The following ZMAT3 variants were observed in gnomAD, a reference collection of about 807,000 sequenced individuals.
ZMAT3 encodes zinc finger matrin-type protein 3.
In ZMAT3, 17 loss-of-function variants were observed where a neutral mutation model predicts 32.3. The ratio of observed to expected loss-of-function variants is 0.53; its 90% CI spans 0.36 to 0.79. ZMAT3 has a LOEUF of 0.79. Among genes scored for constraint, ZMAT3 ranks in the 30% least tolerant of loss-of-function variants. The pLI, the probability that ZMAT3 is intolerant of heterozygous loss-of-function variation, is 0.00. For synonymous variants in ZMAT3, 120 were observed against 133.1 expected (o/e 0.90, Z 0.68); for missense variants, 329 against 359.7 (o/e 0.91, Z 0.69).
chr3:179,060,839 A>C lies in ZMAT3; in HGVS notation c.270+6644T>G, dbSNP rs761874283. Among the ~76,000 whole-genome samples, 10 of 152,252 alleles carry C rather than the reference A, an allele frequency of 6.6e-5. 1 individual carries two copies. In the Middle Eastern group the frequency reaches 0.014, roughly 207 times the overall value. On this transcript the variant is annotated intron_variant, in intron 2 of 5. Transcript: ENST00000311417. ...CTTCCAGGGGAAAAAAAAGAAAGAC[A>C]CAAAATTAAAACAGGTCACCAAAAA...
chr3:179,069,020 T>C (rs1014119725), intron 1 of ZMAT3, among the ~76,000 whole-genome samples: 1 of 152,182 alleles, frequency 6.6e-6, no homozygotes, highest in Non-Finnish European at 1.5e-5. Flanking sequence ...TACTTGTTAC[T>C]TGCCTGTTCT....
At chr3:179,038,951 C>G (rs1007408196) in intron 2 of ZMAT3, among the ~76,000 whole-genome samples, 2 of 152,272 alleles carry the variant, frequency 1.3e-5, no homozygotes, top group African/African-American at 4.8e-5. Context: ...CAGAGCCTCA[C>G]TCACTGCTAG....
intron 2 of ZMAT3, among the ~76,000 whole-genome samples, chr3:179,057,566 C>T (rs971783282): frequency 5.3e-5 from 8 of 152,186 alleles, no homozygotes; most frequent in Non-Finnish European, 1.2e-4. Context: ...TTTTAGCTGC[C>T]CATTCAGAAA....
intron 2 of ZMAT3, among the ~76,000 whole-genome samples, chr3:179,056,199 T>C (rs1189330042): frequency 6.6e-6 from 1 of 152,066 alleles, no homozygotes; most frequent in Non-Finnish European, 1.5e-5. Flanking sequence ...CTGCAGACAT[T>C]AGAAAAAACT....
chr3:179,047,972 TCA>T lies in ZMAT3; in HGVS notation c.271-16975_271-16974del, dbSNP rs1266024844. Among the ~76,000 whole-genome samples the T allele has an allele frequency of 2.6e-5, 4 of 151,834 alleles. No individual in the cohort carries two copies. In the East Asian group the frequency reaches 7.8e-4, roughly 29 times the overall value. ...AATAGATAGCATAAATAAAAAACAA[TCA>T]CAACTTCTGGAAATGAAGGACACGC... is the stretch of plus-strand genomic sequence containing the variant. On this transcript the variant is annotated intron_variant, in intron 2 of 5. Coordinates refer to ENST00000311417, the MANE Select transcript of ZMAT3 (RefSeq NM_022470.4).
rs1191595028 is a variant in ZMAT3, at chr3:179,046,862, A to G, written c.271-15863T>C. ...CAGCTGCAGCAAGCCCCACCCAAGG[A>G]GAGACTGACCTCAGACATGCCTAAC... On this transcript the variant is annotated intron_variant, in intron 2 of 5. Transcript: ENST00000311417. This position sits in a 1 kb window ranked among gnomAD's most constrained non-coding sequence, Gnocchi z 4.3. 6.6e-6 allele frequency among the ~76,000 whole-genome samples: 1 copy of G among 152,116 alleles called. No homozygotes were observed. Among genetic ancestry groups the G allele is most frequent in the African/African-American group, 2.4e-5 (1 of 41,420 alleles).
At chr3:179,047,487 G>A (rs1164462826) in intron 2 of ZMAT3, among the ~76,000 whole-genome samples, 3 of 152,222 alleles carry the variant, frequency 2.0e-5, no homozygotes, top group African/African-American at 7.2e-5. Context: ...CTCACCAGCA[G>A]TGGATCCAAA....
intron 2 of ZMAT3, among the ~76,000 whole-genome samples, chr3:179,056,258 C>T (rs1720836641): frequency 6.6e-6 from 1 of 151,960 alleles, no homozygotes; most frequent in Non-Finnish European, 1.5e-5. Context: ...CCCTATTTAA[C>T]TTGGCATCCT....
intron 3 of ZMAT3, among the ~76,000 whole-genome samples, chr3:179,028,785 C>G (rs896606482): frequency 2.6e-5 from 4 of 152,178 alleles, no homozygotes; most frequent in Admixed American, 1.3e-4. Flanking sequence ...AGAATTGCTA[C>G]CCACACTTTT....
intron 2 of ZMAT3, among the ~76,000 whole-genome samples, chr3:179,063,047 A>C (rs1721231540): frequency 6.6e-6 from 1 of 152,240 alleles, no homozygotes; most frequent in Non-Finnish European, 1.5e-5. Flanking sequence ...CAGATATTGA[A>C]TAAAGAGAGA....
intron 2 of ZMAT3, among the ~76,000 whole-genome samples, chr3:179,033,543 T>A (rs370330806): frequency 1.2e-5 from 1 of 82,810 alleles, no homozygotes; most frequent in East Asian, 4.2e-4. Context: ...AAGAAAAGAA[T>A]ATGGGATTTT....
chr3:179,059,865 A>T (rs187335013), intron 2 of ZMAT3, among the ~76,000 whole-genome samples: 113 of 152,300 alleles, frequency 7.4e-4, no homozygotes, highest in Non-Finnish European at 1.5e-3. Context: ...TAGGTCGACT[A>T]AGAATCCCTA....
chr3:179,065,154 T>C (rs1721342905), intron 2 of ZMAT3, among the ~76,000 whole-genome samples: 1 of 152,234 alleles, frequency 6.6e-6, no homozygotes, highest in Non-Finnish European at 1.5e-5. Flanking sequence ...TCCTACTTTC[T>C]GATTACTTGC....
intron 2 of ZMAT3, 63 bp from the exon 3 acceptor site, chr3:179,031,062 T>G: frequency 1.3e-6 from 2 of 1,496,884 alleles, no homozygotes; most frequent in Non-Finnish European, 1.8e-6. Context: ...GCAATTTCAG[T>G]TAGCTATGGT....
At chr3:179,070,563 T>A in intron 1 of ZMAT3, among the ~76,000 whole-genome samples, 1 of 152,188 alleles carries the variant, frequency 6.6e-6, no homozygotes, top group East Asian at 1.9e-4. Flanking sequence ...TTAAAATGAA[T>A]AAAACCAAGT....
chr3:179,019,927 T>C lies in ZMAT3; in HGVS notation c.*5090A>G. 6.6e-6 allele frequency: 1 copy of C among 152,160 alleles called. No homozygotes were observed. The highest frequency in any genetic ancestry group is 1.5e-5 in the Non-Finnish European group (1 of 68,010). 9.4% of individuals were successfully genotyped at this position (152,160 alleles called of 1,614,324 possible). A position where few individuals can be genotyped will look rare whatever the true frequency, so the allele number is the denominator to read the frequency against. On this transcript the variant is annotated 3_prime_UTR_variant, in exon 6 of 6. Coordinates refer to ENST00000311417, the MANE Select transcript of ZMAT3 (RefSeq NM_022470.4). The stretch of plus-strand genomic sequence containing the variant: ...TCCAATCAACCACACTGCCATTCAC[T>C]AAGTACAAACGCAACACAGATCAAG...
intron 2 of ZMAT3, among the ~76,000 whole-genome samples, chr3:179,031,727 T>C (rs1056413721): frequency 2.6e-5 from 4 of 151,942 alleles, no homozygotes; most frequent in African/African-American, 9.7e-5. Context: ...ACCAACATGG[T>C]GAAACCCCAT....
intron 2 of ZMAT3, among the ~76,000 whole-genome samples, chr3:179,041,604 A>G (rs1219836229): frequency 6.6e-6 from 1 of 152,270 alleles, no homozygotes; most frequent in Non-Finnish European, 1.5e-5. Flanking sequence ...GGAAATTTAT[A>G]GCACTAAATG....
At chr3:179,060,819 A>AG (rs1721116372) in intron 2 of ZMAT3, among the ~76,000 whole-genome samples, 1 of 152,144 alleles carries the variant, frequency 6.6e-6, no homozygotes, top group Non-Finnish European at 1.5e-5. Flanking sequence ...AAAAGCTTCC[A>AG]GGGGAAAAAA....
Sources: gnomAD v4.1 joint callset for allele counts (sites outside exome capture counted in the v4.1 genomes callset) on GRCh38, gnomAD v4.1.1 for gene constraint, Gnocchi (gnomAD v3.1) non-coding constraint, MANE v1.5 for transcripts, NCBI Gene and HGNC (gene_info 2026-07-23, HGNC 2026-07-21) for gene names.